Variants in CASK observed in about 807,000 individuals in gnomAD.
The protein encoded by CASK is calcium/calmodulin dependent serine protein kinase, also known as peripheral plasma membrane protein CASK.
CASK carries 4 observed loss-of-function variants against 82.9 expected under a neutral mutation model. The observed-to-expected ratio is 0.05, with a 90% CI of 0.02 to 0.11. The LOEUF (loss-of-function observed/expected upper bound fraction) is 0.11, where lower values mean the gene tolerates loss of function less well. CASK is among the 10% of genes least tolerant of loss of function. The probability of loss-of-function intolerance (pLI) is 1.00; values close to 1 mark genes in which losing one functional copy is unlikely to be tolerated. For missense variants in CASK, 358 were observed against 720.9 expected (o/e 0.50, Z 5.76); for synonymous variants, 259 against 253.5 (o/e 1.02, Z -0.20).
Position 41,560,412 on chromosome X carries a change from C to T in CASK, c.1669-565G>A, listed in dbSNP as rs762346795. ...CCGGGTAGCTGGGATTATAGGCACG[C>T]GCCACCATGCCTTGCTAATGTTTGT... On this transcript the variant is annotated intron_variant, in intron 17 of 26. Transcript: ENST00000378163. 7.5e-5 allele frequency among the ~76,000 whole-genome samples: 8 copies of T among 107,002 alleles called. No homozygotes were observed. The South Asian group carries it at 1.7e-3, about 23-fold the overall frequency. 92.9% of individuals were successfully genotyped at this position (107,002 alleles called of 115,157 possible).
intron 5 of CASK, among the ~76,000 whole-genome samples, chrX:41,691,632 G>A (rs1237506806): frequency 9.2e-6 from 1 of 109,003 alleles, no homozygotes; most frequent in African/African-American, 3.3e-5. Flanking sequence ...GCAGAGGCGG[G>A]CGGAAAATGA....
chrX:41,664,560 C>T (rs1421330133), intron 7 of CASK, among the ~76,000 whole-genome samples: 1 of 111,903 alleles, frequency 8.9e-6, no homozygotes, highest in Non-Finnish European at 1.9e-5. Flanking sequence ...GCTTCCCATG[C>T]CCAGCCTCCT....
At chrX:41,690,380 T>C (rs2067523402) in intron 5 of CASK, among the ~76,000 whole-genome samples, 1 of 110,722 alleles carries the variant, frequency 9.0e-6, no homozygotes, top group South Asian at 3.8e-4. Flanking sequence ...AGACTCTCGC[T>C]CTGTTGCCCA....
At chrX:41,738,980 A>G (rs1188086389) in intron 5 of CASK, among the ~76,000 whole-genome samples, 1 of 112,350 alleles carries the variant, frequency 8.9e-6, no homozygotes, top group East Asian at 2.8e-4. Context: ...AAAAAATACA[A>G]TGCTGACTAT....
intron 12 of CASK, among the ~76,000 whole-genome samples, chrX:41,609,184 C>T (rs1425404809): frequency 1.3e-4 from 14 of 111,288 alleles, no homozygotes; most frequent in East Asian, 2.8e-4. Flanking sequence ...GGAGCGATCT[C>T]GGCTCACTGC....
At chrX:41,580,431 C>T (rs2065557596) in intron 14 of CASK, among the ~76,000 whole-genome samples, 1 of 111,097 alleles carries the variant, frequency 9.0e-6, no homozygotes, top group African/African-American at 3.3e-5. Flanking sequence ...TTCACTCACC[C>T]CGGCCTCCCA....
At chrX:41,869,705 C>T (rs1401697646) in intron 1 of CASK, among the ~76,000 whole-genome samples, 8 of 100,488 alleles carry the variant, frequency 8.0e-5, no homozygotes, top group Admixed American at 7.9e-4. Context: ...CCCAGTTACT[C>T]AGGAGGCTGA....
intron 4 of CASK, among the ~76,000 whole-genome samples, chrX:41,741,830 T>A (rs1488763236): frequency 8.9e-6 from 1 of 112,123 alleles, no homozygotes; most frequent in Non-Finnish European, 1.9e-5. Context: ...AAACTTTTAA[T>A]CAAAAAACTT....
intron 2 of CASK, among the ~76,000 whole-genome samples, chrX:41,830,737 G>A (rs1271179461): frequency 5.7e-5 from 6 of 104,391 alleles, no homozygotes; most frequent in South Asian, 9.2e-4. Context: ...GGAGTATGGC[G>A]TGAACCCAGG....
chrX:41,892,969 A>C (rs1237550384), intron 1 of CASK, among the ~76,000 whole-genome samples: 1 of 112,324 alleles, frequency 8.9e-6, no homozygotes, highest in East Asian at 2.8e-4. Context: ...GTCCAACAAC[A>C]GGGGAAATTA....
chrX:41,543,438 G>T (rs2064975299), intron 21 of CASK, among the ~76,000 whole-genome samples: 2 of 111,746 alleles, frequency 1.8e-5, no homozygotes, highest in African/African-American at 6.5e-5. Flanking sequence ...CCCTAGTACA[G>T]TACCAGGCAC....
Position 41,723,368 on chromosome X carries a change from A to T in CASK, c.429+16016T>A, listed in dbSNP as rs755728679. Among the ~76,000 whole-genome samples the T allele has an allele frequency of 9.8e-4, 110 of 112,358 alleles. 1 individual carries two copies. The highest frequency in any genetic ancestry group is 3.4e-3 in the African/African-American group (106 of 30,964). On this transcript the variant is annotated intron_variant, in intron 5 of 26. Coordinates refer to ENST00000378163, the MANE Select transcript of CASK (RefSeq NM_001367721.1). Reference sequence around the variant, plus strand: ...CACACTTAGCTTTCATTTAGTTAGTAGGTCACAGACTGATTCGACAATCCT... The same window carrying T: ...CACACTTAGCTTTCATTTAGTTAGTTGGTCACAGACTGATTCGACAATCCT...
In CASK at chrX:41,665,421, T is replaced by A. The variant is rs1411146495; in HGVS notation, c.564A>T (p.Pro188=). 4.1e-6 allele frequency: 5 copies of A among 1,207,467 alleles called. No homozygotes were observed. The highest frequency in any genetic ancestry group is 2.3e-4 in the Middle Eastern group (1 of 4,368). ...GRVGTPHFMA[P]EVVKREPYGK... ...CGTAAGGCTCTCTTTTGACCACTTCTGGTGCCATAAAATGAGGTGTTCCAA... is the reference window on the plus strand; with the variant it reads ...CGTAAGGCTCTCTTTTGACCACTTCAGGTGCCATAAAATGAGGTGTTCCAA... Residue 188 remains proline, a synonymous_variant, in exon 7 of 27, where the codon CCA becomes CCT. Coordinates refer to ENST00000378163, the MANE Select transcript of CASK (RefSeq NM_001367721.1).
At chrX:41,572,995 C>T (rs1364035590) in intron 15 of CASK, among the ~76,000 whole-genome samples, 2 of 109,038 alleles carry the variant, frequency 1.8e-5, no homozygotes, top group African/African-American at 6.7e-5. Context: ...CTTTATGACA[C>T]TGTTCTTGTT....
intron 14 of CASK, chrX:41,584,548 T>C (rs2065629601): frequency 9.0e-6 from 1 of 111,634 alleles, no homozygotes; most frequent in Non-Finnish European, 1.9e-5. Flanking sequence ...TTATCAGGCA[T>C]TAGATTCTCA....
chrX:41,669,079 G>C (rs2067159192), intron 6 of CASK, among the ~76,000 whole-genome samples: 2 of 111,262 alleles, frequency 1.8e-5, no homozygotes, highest in Non-Finnish European at 1.9e-5. Flanking sequence ...TTTTCTAAGA[G>C]AAATAATTTA....
intron 4 of CASK, chrX:41,743,520 G>A (rs1197937810): frequency 1.4e-5 from 4 of 285,016 alleles, no homozygotes; most frequent in Non-Finnish European, 2.4e-5. Flanking sequence ...TTGCTCCTTC[G>A]CCCTAGCCCC....
At chrX:41,659,839 A>G (rs1316183305) in intron 8 of CASK, among the ~76,000 whole-genome samples, 2 of 109,801 alleles carry the variant, frequency 1.8e-5, no homozygotes, top group African/African-American at 6.6e-5. Flanking sequence ...ATCTCTACAA[A>G]AAATACAAAA....
chrX:41,857,343 G>A (rs188269738), intron 1 of CASK, among the ~76,000 whole-genome samples: 37 of 110,670 alleles, frequency 3.3e-4, no homozygotes, highest in African/African-American at 1.1e-3. Context: ...TCCTCCTGGG[G>A]TACGGAAGGT....
Sources: allele counts gnomAD v4.1 joint callset (sites outside exome capture counted in the v4.1 genomes callset), GRCh38; gene constraint gnomAD v4.1.1; transcripts MANE v1.5; gene names NCBI Gene and HGNC (gene_info 2026-07-23, HGNC 2026-07-21).